MAGI2: variants seen among roughly 807,000 people sequenced by gnomAD.
The protein encoded by MAGI2 is membrane-associated guanylate kinase, WW and PDZ domain-containing protein 2.
In MAGI2, 35 loss-of-function variants were observed where a neutral mutation model predicts 133.3. The observed-to-expected ratio is 0.26, with a 90% CI of 0.20 to 0.35. The LOEUF (loss-of-function observed/expected upper bound fraction) is 0.35, where lower values mean the gene tolerates loss of function less well. Ranked by LOEUF, MAGI2 falls within the 10% of genes least tolerant of loss-of-function variation. The pLI is 1.00. For synonymous variants in MAGI2, 729 were observed against 710.6 expected (o/e 1.03, Z -0.41); for missense variants, 1,636 against 1,863.4 (o/e 0.88, Z 2.25).
intron 6 of MAGI2, among the ~76,000 whole-genome samples, chr7:78,390,570 TG>T (rs1265210086): frequency 6.8e-6 from 1 of 146,012 alleles, no homozygotes; most frequent in Non-Finnish European, 1.5e-5. Context: ...GGTGCTCAAA[TG>T]AAGGAATGGC....
intron 1 of MAGI2, chr7:79,008,766 T>A (rs1269234032): frequency 6.6e-6 from 1 of 152,162 alleles, no homozygotes; most frequent in Non-Finnish European, 1.5e-5. Flanking sequence ...TACCTATTAT[T>A]TACTTCTCCA....
intron 4 of MAGI2, among the ~76,000 whole-genome samples, chr7:78,507,900 C>G (rs1012870130): frequency 1.3e-5 from 2 of 152,136 alleles, no homozygotes; most frequent in African/African-American, 2.4e-5. Context: ...AATTAAACAC[C>G]ACAAACTGAG....
At chr7:78,291,604 C>A (rs1279975973) in intron 9 of MAGI2, among the ~76,000 whole-genome samples, 3 of 152,114 alleles carry the variant, frequency 2.0e-5, no homozygotes, top group Non-Finnish European at 4.4e-5. Context: ...CATTCTGATA[C>A]CAAAGCCTGG....
At chr7:78,936,567 A>C (rs1263224092) in intron 2 of MAGI2, among the ~76,000 whole-genome samples, 1 of 152,036 alleles carries the variant, frequency 6.6e-6, no homozygotes, top group Non-Finnish European at 1.5e-5. Flanking sequence ...TGCCAACAAA[A>C]CCTGAAAAGA....
intron 3 of MAGI2, among the ~76,000 whole-genome samples, chr7:78,612,500 A>G (rs1262046888): frequency 6.6e-6 from 1 of 152,154 alleles, no homozygotes; most frequent in African/African-American, 2.4e-5. Context: ...ATAAATGAAA[A>G]CAAATAAACC....
At chr7:79,145,149 C>G (rs1378963908) in intron 1 of MAGI2, among the ~76,000 whole-genome samples, 1 of 152,062 alleles carries the variant, frequency 6.6e-6, no homozygotes, top group Non-Finnish European at 1.5e-5. Context: ...CTACTACTTC[C>G]TAGAAAATTG....
chr7:78,228,155 A>G (rs1335117533), intron 10 of MAGI2, among the ~76,000 whole-genome samples: 3 of 152,184 alleles, frequency 2.0e-5, no homozygotes, highest in Non-Finnish European at 4.4e-5. Context: ...TCTTCTTTTA[A>G]CATTTTAAGA....
chr7:78,365,388 C>T (rs532515682), intron 7 of MAGI2, among the ~76,000 whole-genome samples: 9 of 152,116 alleles, frequency 5.9e-5, no homozygotes, highest in East Asian at 1.9e-4. Flanking sequence ...GTTATAAATG[C>T]GAAATTTATA....
chr7:79,232,123 T>A lies in MAGI2; in HGVS notation c.301+220897A>T, dbSNP rs572613912. Among the ~76,000 whole-genome samples the A allele has an allele frequency of 8.3e-3, 1,266 of 152,290 alleles. 14 individuals carry two copies. The highest frequency in any genetic ancestry group is 0.029 in the African/African-American group (1,216 of 41,560). ...CTGATTTGCGTATATTGAACCAGCC[T>A]TGCATCCCAGGGATGAAGCCCACTT... On this transcript the variant is annotated intron_variant, in intron 1 of 21. Coordinates refer to ENST00000354212, the MANE Select transcript of MAGI2 (RefSeq NM_012301.4).
chr7:79,082,054 G>A (rs982389859), intron 1 of MAGI2, among the ~76,000 whole-genome samples: 4 of 151,958 alleles, frequency 2.6e-5, no homozygotes, highest in Non-Finnish European at 5.9e-5. Context: ...TTGCTCATTT[G>A]TTAATTGAGT....
chr7:78,806,354 T>C (rs1054688979), intron 2 of MAGI2, among the ~76,000 whole-genome samples: 4 of 152,136 alleles, frequency 2.6e-5, no homozygotes, highest in African/African-American at 7.2e-5. Context: ...TTAAATTTCT[T>C]AGAGAAATGG....
intron 6 of MAGI2, among the ~76,000 whole-genome samples, chr7:78,394,451 A>G (rs1388764318): frequency 6.6e-6 from 1 of 151,796 alleles, no homozygotes; most frequent in African/African-American, 2.4e-5. Flanking sequence ...TGCCACAGAA[A>G]CCTTTCGTGC....
intron 14 of MAGI2, among the ~76,000 whole-genome samples, chr7:78,171,319 C>T (rs1187736164): frequency 6.6e-6 from 1 of 152,148 alleles, no homozygotes; most frequent in East Asian, 1.9e-4. Context: ...CTTTTGCGAA[C>T]ATGCTTCAGG....
intron 2 of MAGI2, among the ~76,000 whole-genome samples, chr7:78,734,469 T>C (rs1563428124): frequency 1.3e-5 from 2 of 152,164 alleles, no homozygotes; most frequent in Admixed American, 6.5e-5. Flanking sequence ...GGCAATACAG[T>C]GTGGAATATT....
chr7:79,161,678 A>G (rs773852980), intron 1 of MAGI2, among the ~76,000 whole-genome samples: 1 of 152,074 alleles, frequency 6.6e-6, no homozygotes, highest in South Asian at 2.1e-4. Context: ...AGGTAAACAA[A>G]CATCTTGTTT....
At chr7:78,171,278 T>C (rs960488450) in intron 14 of MAGI2, among the ~76,000 whole-genome samples, 1 of 152,244 alleles carries the variant, frequency 6.6e-6, no homozygotes, top group African/African-American at 2.4e-5. Flanking sequence ...CATATTGGTT[T>C]CCCAATGCAT....
intron 2 of MAGI2, among the ~76,000 whole-genome samples, chr7:78,929,143 A>G (rs888091842): frequency 6.6e-6 from 1 of 152,122 alleles, no homozygotes; most frequent in African/African-American, 2.4e-5. Flanking sequence ...ATGATAGATA[A>G]TTGACACTGA....
chr7:78,460,777 T>C (rs1476899821), intron 6 of MAGI2, among the ~76,000 whole-genome samples: 1 of 152,202 alleles, frequency 6.6e-6, no homozygotes, highest in Non-Finnish European at 1.5e-5. Flanking sequence ...ACCTGCATAC[T>C]TTTTACAAAT....
chr7:79,406,565 CT>C (rs1298805354), intron 1 of MAGI2, among the ~76,000 whole-genome samples: 21 of 152,140 alleles, frequency 1.4e-4, no homozygotes, highest in African/African-American at 4.1e-4. Flanking sequence ...AACCAGGAAA[CT>C]TTGAGTTTAT....
Sources: allele counts gnomAD v4.1 joint callset (sites outside exome capture counted in the v4.1 genomes callset), GRCh38; gene constraint gnomAD v4.1.1; transcripts MANE v1.5; gene names NCBI Gene and HGNC (gene_info 2026-07-23, HGNC 2026-07-21).